Variants in LRP1B observed in about 807,000 individuals in gnomAD.
LRP1B encodes the protein LDL receptor related protein 1B.
A neutral mutation model predicts 556.6 loss-of-function variants in LRP1B; 217 were observed. The ratio of observed to expected loss-of-function variants is 0.39; its 90% CI spans 0.35 to 0.44. The LOEUF is 0.44. Among genes scored for constraint, LRP1B ranks in the 20% least tolerant of loss-of-function variants. LRP1B has a pLI of 1.00. For missense variants in LRP1B, 5,053 were observed against 5,620.8 expected (o/e 0.90, Z 3.23); for synonymous variants, 2,047 against 1,865.8 (o/e 1.10, Z -2.50).
chr2:140,249,268 T>C (rs1039191428), intron 86 of LRP1B, among the ~76,000 whole-genome samples: 1 of 151,690 alleles, frequency 6.6e-6, no homozygotes, highest in Non-Finnish European at 1.5e-5. Context: ...GTAATTATAT[T>C]TTGAGATCTC....
chr2:141,159,082 G>A (rs1210625915), intron 7 of LRP1B, among the ~76,000 whole-genome samples: 2 of 152,086 alleles, frequency 1.3e-5, no homozygotes, highest in Non-Finnish European at 2.9e-5. Context: ...GAAAGAAAAG[G>A]AAATGAATAA....
At chr2:141,707,665 G>C (rs778808715) in intron 2 of LRP1B, among the ~76,000 whole-genome samples, 1 of 152,114 alleles carries the variant, frequency 6.6e-6, no homozygotes, top group Non-Finnish European at 1.5e-5. Flanking sequence ...TGTCTGCCAC[G>C]TGTCAAGCAC....
chr2:140,496,567 T>A (rs1002764654), intron 55 of LRP1B, among the ~76,000 whole-genome samples: 3 of 152,170 alleles, frequency 2.0e-5, no homozygotes, highest in African/African-American at 7.2e-5. Flanking sequence ...TGACACATGA[T>A]ATTAACTAAC....
chr2:140,386,135 T>C, intron 66 of LRP1B, 126 bp from the exon 67 acceptor site: 1 of 653,374 alleles, frequency 1.5e-6, no homozygotes, highest in Non-Finnish European at 2.7e-6. Flanking sequence ...AGAAGCATCC[T>C]TAGGAAAAAT....
chr2:140,907,016 T>TTAA (rs889973658), intron 22 of LRP1B, among the ~76,000 whole-genome samples: 5 of 151,938 alleles, frequency 3.3e-5, no homozygotes, highest in Non-Finnish European at 7.4e-5. Flanking sequence ...CAGTATGCTA[T>TTAA]TAATGCTCAT....
chr2:141,065,416 A>C lies in LRP1B; in HGVS notation c.1014-3143T>G, dbSNP rs540256512. On this transcript the variant is annotated intron_variant, in intron 7 of 90. Coordinates refer to ENST00000389484, the MANE Select transcript of LRP1B (RefSeq NM_018557.3). ...GACAGATAATGTTCTTTATAGAAAA[A>C]ATTTCTGATTCAGAATCTAATTGAA... Among the ~76,000 whole-genome samples, 818 of 152,066 alleles carry C rather than the reference A, an allele frequency of 5.4e-3. 4 individuals carry two copies. Among genetic ancestry groups the C allele is most frequent in the Non-Finnish European group, 8.7e-3 (591 of 67,918 alleles).
chr2:141,639,380 A>ACC (rs1689239469), intron 2 of LRP1B, among the ~76,000 whole-genome samples: 1 of 83,640 alleles, frequency 1.2e-5, no homozygotes. Context: ...ATATATACAC[A>ACC]TATATATATA....
chr2:140,883,690 CA>C, intron 25 of LRP1B, 126 bp downstream of exon 25: 2 of 660,862 alleles, frequency 3.0e-6, no homozygotes, highest in Non-Finnish European at 4.8e-6. Context: ...GCCCCCGCCA[CA>C]CACACACATA....
At chr2:140,419,940 G>A (rs542874450) in intron 66 of LRP1B, among the ~76,000 whole-genome samples, 55 of 151,646 alleles carry the variant, frequency 3.6e-4, no homozygotes, top group African/African-American at 1.1e-3. Flanking sequence ...CCCAGGAAGC[G>A]GAGCTTGCAG....
Position 140,994,016 on chromosome 2 carries a change from C to T in LRP1B, c.2623G>A (p.Asp875Asn), listed in dbSNP as rs768074082. The T allele has an allele frequency of 3.1e-6, 5 of 1,612,488 alleles. No individual in the cohort carries two copies. Among genetic ancestry groups the T allele is most frequent in the African/African-American group, 1.3e-5 (1 of 74,916 alleles). ...ATACAGCAGTTTACTGAATCCTCAT[C>T]GCTTCCGTCTAGGCAGTCATCGTCG... ...DGDDDCLDGS[D>N]EDSVNCFNHS... is the part of the protein sequence containing the mutation. Residue 875 changes from aspartate to asparagine, a missense_variant, in exon 16 of 91, where the codon GAT becomes AAT. Asp to Asn is a conservative substitution (Grantham distance 23). Around this residue, in one of 5 missense-constraint regions of LRP1B, gnomAD observed 3,619 missense variants for 3,931.9 expected, o/e 0.92. Transcript: ENST00000389484.
intron 1 of LRP1B, among the ~76,000 whole-genome samples, chr2:141,930,665 T>G (rs777582838): frequency 2.6e-5 from 4 of 152,064 alleles, no homozygotes; most frequent in Non-Finnish European, 5.9e-5. Flanking sequence ...CTTGCTGGTT[T>G]GAGATTTAGA....
chr2:141,292,594 G>A (rs1276006236), intron 3 of LRP1B, among the ~76,000 whole-genome samples: 1 of 152,108 alleles, frequency 6.6e-6, no homozygotes, highest in Non-Finnish European at 1.5e-5. Context: ...TCATGTTGAT[G>A]GTAGGTACCT....
rs539022922 is a variant in LRP1B at position 141,206,037 on chromosome 2, T to C, written c.851-17454A>G. Among the ~76,000 whole-genome samples, 54 of 152,210 alleles carry C rather than the reference T, an allele frequency of 3.5e-4. 1 individual carries two copies. The highest frequency in any genetic ancestry group is 2.1e-3 in the East Asian group (11 of 5,170). On this transcript the variant is annotated intron_variant, in intron 6 of 90. Transcript: ENST00000389484. ...CCTTGGAGAAAATATGGGAGTCTTT[T>C]AAGTGAATTGGTGATGCCAAGGAAA...
chr2:140,596,728 T>C (rs1682456353), intron 43 of LRP1B, among the ~76,000 whole-genome samples: 1 of 152,170 alleles, frequency 6.6e-6, no homozygotes, highest in Non-Finnish European at 1.5e-5. Context: ...TGAAGTGAGA[T>C]CACCAGGGGT....
intron 32 of LRP1B, among the ~76,000 whole-genome samples, chr2:140,790,179 A>G (rs2104984144): frequency 6.6e-6 from 1 of 152,082 alleles, no homozygotes; most frequent in African/African-American, 2.4e-5. Flanking sequence ...GGCCTTTTTC[A>G]CCTCTATCTT....
intron 37 of LRP1B, among the ~76,000 whole-genome samples, chr2:140,712,591 C>T (rs747215525): frequency 2.0e-5 from 3 of 151,946 alleles, no homozygotes; most frequent in Non-Finnish European, 4.4e-5. Flanking sequence ...GCAATATCCC[C>T]ATACTAAGAA....
At chr2:141,643,684 G>A (rs764916185) in intron 2 of LRP1B, among the ~76,000 whole-genome samples, 6 of 152,078 alleles carry the variant, frequency 3.9e-5, no homozygotes, top group Non-Finnish European at 7.4e-5. Context: ...AAAGAGGAGT[G>A]CATTAGTCAT....
intron 6 of LRP1B, among the ~76,000 whole-genome samples, chr2:141,204,135 A>T: frequency 6.6e-6 from 1 of 152,208 alleles, no homozygotes; most frequent in East Asian, 1.9e-4. Context: ...GAGGTTGGAC[A>T]AACATTTTAG....
Position 141,096,688 on chromosome 2 carries a change from G to A in LRP1B, c.1014-34415C>T, listed in dbSNP as rs1410061684. 3.7e-4 allele frequency among the ~76,000 whole-genome samples: 40 copies of A among 107,914 alleles called. 3 individuals are homozygous for A. Among genetic ancestry groups the A allele is most frequent in the African/African-American group, 1.2e-3 (38 of 30,852 alleles). The allele number at this position is 107,914 out of a possible 152,430, so 70.8% of individuals were successfully genotyped here. On this transcript the variant is annotated intron_variant, in intron 7 of 90. Transcript: ENST00000389484. ...AGAGAGAGAGAGAGAGAGAGAGAGA[G>A]AGAAAATAAATAAATACATCTTCAG...
Sources: allele counts gnomAD v4.1 joint callset (sites outside exome capture counted in the v4.1 genomes callset), GRCh38; gene constraint gnomAD v4.1.1; regional missense constraint gnomAD v4.1.1; transcripts MANE v1.5; gene names NCBI Gene and HGNC (gene_info 2026-07-23, HGNC 2026-07-21).